CLIC6: variants seen among roughly 807,000 people sequenced by gnomAD.
CLIC6 encodes CLIC family member 6.
In CLIC6, 39 loss-of-function variants were observed where a neutral mutation model predicts 49.2. That is an observed-to-expected ratio of 0.79 (90% CI 0.61 to 1.04). The LOEUF (loss-of-function observed/expected upper bound fraction) is 1.04, where lower values mean the gene tolerates loss of function less well. Among genes scored for constraint, CLIC6 ranks in the 50% least tolerant of loss-of-function variants. CLIC6 has a pLI of 0.00. For missense variants in CLIC6, 988 were observed against 993.1 expected, an observed-to-expected ratio of 0.99 and a Z score of 0.07; for synonymous variants, 446 against 433.4, an observed-to-expected ratio of 1.03 and a Z score of -0.36.
chr21:34,697,133 G>A (rs925747381), intron 1 of CLIC6, among the ~76,000 whole-genome samples: 1 of 152,186 alleles, frequency 6.6e-6, no homozygotes. Context: ...AATGAGGAGG[G>A]CCTGGTGTCT....
chr21:34,672,039 G>A (rs1989576905), intron 1 of CLIC6, among the ~76,000 whole-genome samples: 1 of 152,238 alleles, frequency 6.6e-6, no homozygotes, highest in Non-Finnish European at 1.5e-5. Context: ...GAAATTTCCC[G>A]TTGCTGTGGT....
At chr21:34,675,292 A>G (rs1443470151) in intron 1 of CLIC6, among the ~76,000 whole-genome samples, 1 of 149,082 alleles carries the variant, frequency 6.7e-6, no homozygotes, top group Non-Finnish European at 1.5e-5. Flanking sequence ...GCATTGCCAT[A>G]CCACAGGGCT....
intron 1 of CLIC6, among the ~76,000 whole-genome samples, chr21:34,699,593 A>C (rs1005148774): frequency 1.3e-5 from 2 of 151,880 alleles, no homozygotes; most frequent in African/African-American, 4.8e-5. Flanking sequence ...TCACCTTAGA[A>C]ATTGTTGCTT....
chr21:34,679,301 G>A (rs1226516541), intron 1 of CLIC6, among the ~76,000 whole-genome samples: 5 of 152,200 alleles, frequency 3.3e-5, no homozygotes, highest in Non-Finnish European at 7.3e-5. Context: ...ATCAGATCTG[G>A]TGAGAACTCA....
chr21:34,670,595 T>C lies in CLIC6; in HGVS notation c.1207T>C (p.Ser403Pro). ...SPDSSPHGEA[S>P]RGAAEPEAQL... ...CGACAGCAGCCCACATGGGGAGGCC[T>C]CCAGGGGCGCCGCGGAGCCTGAGGC... is the stretch of plus-strand genomic sequence containing the variant. The change falls in exon 1 of 6, where the codon TCC (serine) becomes CCC (proline). Residue 403 changes from serine to proline, a missense_variant. Physicochemically the swap from Ser to Pro is moderately conservative, Grantham distance 74. Around this residue, in one of 3 missense-constraint regions of CLIC6, gnomAD observed 647 missense variants for 596.9 expected, o/e 1.08. Coordinates refer to ENST00000349499, the MANE Select transcript of CLIC6 (RefSeq NM_053277.3). 1 of 1,536,062 alleles carries C rather than the reference T, an allele frequency of 6.5e-7. No individual in the cohort carries two copies.
chr21:34,693,836 C>T (rs543890197), intron 1 of CLIC6, among the ~76,000 whole-genome samples: 1 of 152,314 alleles, frequency 6.6e-6, no homozygotes, highest in South Asian at 2.1e-4. Flanking sequence ...CCAAATCTGA[C>T]AGCGAATTGT....
At chr21:34,692,191 G>C (rs916766900) in intron 1 of CLIC6, among the ~76,000 whole-genome samples, 1 of 152,158 alleles carries the variant, frequency 6.6e-6, no homozygotes, top group African/African-American at 2.4e-5. Context: ...CCGTTGAGAA[G>C]GTATAGAAAA....
intron 5 of CLIC6, among the ~76,000 whole-genome samples, chr21:34,714,244 G>A (rs2056073431): frequency 6.6e-6 from 1 of 152,172 alleles, no homozygotes; most frequent in African/African-American, 2.4e-5. Flanking sequence ...AACAGCAGTG[G>A]GAATTATACG....
chr21:34,669,759 A>C lies in CLIC6; in HGVS notation c.371A>C (p.Glu124Ala). 7.2e-7 allele frequency: 1 copy of C among 1,395,014 alleles called. No homozygotes were observed. Among genetic ancestry groups the C allele is most frequent in the Non-Finnish European group, 9.2e-7 (1 of 1,084,458 alleles). 86.4% of individuals were successfully genotyped at this position (1,395,014 alleles called of 1,614,324 possible). Residue 124 changes from glutamate (E) to alanine (A), a missense_variant, in exon 1 of 6, where the codon GAG becomes GCG. Physicochemically the swap from Glu to Ala is moderately radical, Grantham distance 107 (BLOSUM62 -1). Transcript: ENST00000349499. ...GRGAQGEPRG[E>A]AQREPEDSAA... ...GGCGCGCAGGGCGAGCCCCGCGGGG[A>C]GGCTCAGAGGGAGCCCGAGGACTCT...
Position 34,715,811 on chromosome 21 carries a change from C to A in CLIC6, c.1900-510C>A, listed in dbSNP as rs2056082281. Among the ~76,000 whole-genome samples, 3 of 152,230 alleles carry A rather than the reference C, an allele frequency of 2.0e-5. No homozygotes were observed. The South Asian group carries it at 6.2e-4, about 32-fold the overall frequency. ...AATCTCTCCTCCGCACAGGCGGGCC[C>A]CACGATCAGACGATGCTCTTAGTGG... On this transcript the variant is annotated intron_variant, in intron 5 of 5. Transcript: ENST00000349499.
intron 1 of CLIC6, among the ~76,000 whole-genome samples, chr21:34,706,835 G>C (rs1319405997): frequency 6.6e-6 from 1 of 152,196 alleles, no homozygotes; most frequent in Non-Finnish European, 1.5e-5. Flanking sequence ...TAGTATCTGG[G>C]TTGTTTCCAG....
At chr21:34,676,990 A>G (rs1989685174) in intron 1 of CLIC6, among the ~76,000 whole-genome samples, 1 of 151,254 alleles carries the variant, frequency 6.6e-6, no homozygotes, top group Non-Finnish European at 1.5e-5. Flanking sequence ...TGGGGGAGAC[A>G]TTTTCTTCAC....
At chr21:34,696,269 G>A (rs2145810372) in intron 1 of CLIC6, among the ~76,000 whole-genome samples, 1 of 152,320 alleles carries the variant, frequency 6.6e-6, no homozygotes, top group East Asian at 1.9e-4. Context: ...CACAGGGCAT[G>A]CATGTTTTAC....
At chr21:34,705,494 A>G (rs1444399187) in intron 1 of CLIC6, among the ~76,000 whole-genome samples, 1 of 152,150 alleles carries the variant, frequency 6.6e-6, no homozygotes, top group African/African-American at 2.4e-5. Flanking sequence ...ATAACTGTCC[A>G]CCTTCCACCC....
intron 1 of CLIC6, among the ~76,000 whole-genome samples, chr21:34,699,414 G>A (rs928278935): frequency 6.1e-5 from 7 of 115,204 alleles, no homozygotes; most frequent in South Asian, 2.5e-4. Flanking sequence ...ACCATACCTG[G>A]CTTTTTTTTT....
Position 34,670,192 on chromosome 21 carries a change from C to T in CLIC6, c.804C>T (p.Asp268=). 1.1e-6 allele frequency: 1 copy of T among 884,650 alleles called. No individual in the cohort carries two copies. The highest frequency in any genetic ancestry group is 4.3e-5 in the Admixed American group (1 of 23,326). 54.8% of individuals were successfully genotyped at this position (884,650 alleles called of 1,614,324 possible). The change falls in exon 1 of 6, where the codon GAC becomes GAT. Residue 268 remains aspartate (D), a synonymous_variant. Coordinates refer to ENST00000349499, the MANE Select transcript of CLIC6 (RefSeq NM_053277.3). Reference sequence around the variant, plus strand: ...TAGAAGCGGGGGTCCCGGCGGGGGACAGCGTAGAAGCCGAAGGCCCGGCGG... The same window carrying T: ...TAGAAGCGGGGGTCCCGGCGGGGGATAGCGTAGAAGCCGAAGGCCCGGCGG... ...DGVEAGVPAG[D]SVEAEGPAGD...
intron 5 of CLIC6, among the ~76,000 whole-genome samples, chr21:34,715,936 C>T (rs182549738): frequency 6.6e-6 from 1 of 152,338 alleles, no homozygotes; most frequent in Non-Finnish European, 1.5e-5. Context: ...ATTTAAACAG[C>T]AGATCCACCA....
chr21:34,711,882 G>T (rs1448599306), intron 5 of CLIC6, among the ~76,000 whole-genome samples: 1 of 152,108 alleles, frequency 6.6e-6, no homozygotes, highest in Non-Finnish European at 1.5e-5. Flanking sequence ...TGCTAAATTT[G>T]GGAGCTGCCT....
intron 4 of CLIC6, 120 bp from the exon 5 acceptor site, chr21:34,709,237 A>T: frequency 1.2e-6 from 1 of 808,362 alleles, no homozygotes; most frequent in Non-Finnish European, 2.0e-6. Context: ...CTGCCTTCCC[A>T]GCACCCATTG....
Sources: gnomAD v4.1 joint callset for allele counts (sites outside exome capture counted in the v4.1 genomes callset) on GRCh38, gnomAD v4.1.1 for gene constraint, gnomAD v4.1.1 regional missense constraint, MANE v1.5 for transcripts, NCBI Gene and HGNC (gene_info 2026-07-23, HGNC 2026-07-21) for gene names.